The following CDK11A variants were observed in gnomAD, a reference collection of about 807,000 sequenced individuals.
CDK11A encodes the protein cyclin dependent kinase 11A, also known as cyclin-dependent kinase 11A.
A neutral mutation model predicts 83.6 loss-of-function variants in CDK11A; 55 were observed. That is an observed-to-expected ratio of 0.66 (90% CI 0.53 to 0.82). The LOEUF is 0.82. Ranked by LOEUF, CDK11A falls within the 40% of genes least tolerant of loss-of-function variation. CDK11A has a pLI of 0.00. For synonymous variants in CDK11A, 247 were observed against 302.7 expected (o/e 0.82, Z 1.91); for missense variants, 564 against 810.1 (o/e 0.70, Z 3.69).
intron 5 of CDK11A, among the ~76,000 whole-genome samples, chr1:1,715,761 G>C (rs368646708): frequency 0.029 from 3,820 of 133,712 alleles, 2 homozygotes; most frequent in East Asian, 0.087. Context: ...GGGCCTGCTC[G>C]CACCTGGCCT....
At position 1,705,038 on chromosome 1, in the gene CDK11A, T is replaced by C; in HGVS notation, c.1337-13A>G. 1 of 1,589,688 alleles carries C rather than the reference T, an allele frequency of 6.3e-7. No homozygotes were observed. The highest frequency in any genetic ancestry group is 1.1e-5 in the South Asian group (1 of 88,424). ...GCCACAATTTCATCTGTGAAGAAAA[T>C]ACAGACGGCACTGAGAGGCATTCTC... On this transcript the variant is annotated splice_polypyrimidine_tract_variant and intron_variant, in intron 12 of 19. Coordinates refer to ENST00000404249, the MANE Select transcript of CDK11A (RefSeq NM_024011.4).
rs1325274688 is a variant in CDK11A at position 1,707,301 on chromosome 1, G to C, written c.1245+108C>G. On this transcript the variant is annotated intron_variant, in intron 11 of 19. Coordinates refer to ENST00000404249, the MANE Select transcript of CDK11A (RefSeq NM_024011.4). ...CGTCACTGCCCCAGTGGGCCCAGCAGCCCTGTGAGGCGACAGACGCCAACA... is the reference window on the plus strand; with the variant it reads ...CGTCACTGCCCCAGTGGGCCCAGCACCCCTGTGAGGCGACAGACGCCAACA... 5.2e-5 allele frequency: 56 copies of C among 1,073,976 alleles called. 2 individuals carry two copies. Among genetic ancestry groups the C allele is most frequent in the Middle Eastern group, 3.2e-4 (1 of 3,162 alleles). 66.5% of individuals were successfully genotyped at this position (1,073,976 alleles called of 1,614,324 possible). A position where few individuals can be genotyped will look rare whatever the true frequency, so the allele number is the denominator to read the frequency against.
rs374344030 is a variant in CDK11A, at chr1:1,704,515, T to C, written c.1564+35A>G. ...GGGGTGACCAGGACACTGCCCCCAC[T>C]TGTACGCAGACAGGACCCCGGGGCG... On this transcript the variant is annotated intron_variant, in intron 14 of 19. Coordinates refer to ENST00000404249, the MANE Select transcript of CDK11A (RefSeq NM_024011.4). The C allele has an allele frequency of 3.5e-4, 563 of 1,594,164 alleles. 18 individuals carry two copies. The African/African-American group carries it at 6.9e-3, about 20-fold the overall frequency.
chr1:1,721,676 C>T lies in CDK11A; in HGVS notation c.147G>A (p.Glu49=), dbSNP rs769222111. Residue 49 remains glutamate, a synonymous_variant, in exon 3 of 20, where the codon GAG becomes GAA. Transcript: ENST00000404249. ...TGCAGTGATCTCTCAGCTCCCCCTC[C>T]TCAAGGGAATCCCGCTTGGAATCCC... is the stretch of plus-strand genomic sequence containing the variant. ...DDRDSKRDSL[E]EGELRDHCME... 15 of 1,596,932 alleles carry T rather than the reference C, an allele frequency of 9.4e-6. 2 individuals are homozygous for T. In the African/African-American group the frequency reaches 1.9e-4, roughly 20 times the overall value.
intron 3 of CDK11A, among the ~76,000 whole-genome samples, chr1:1,720,665 G>A (rs1644871632): frequency 6.7e-6 from 1 of 148,986 alleles, no homozygotes; most frequent in Non-Finnish European, 1.5e-5. Context: ...CCAAAGTGCT[G>A]GGATTACAGG....
rs763905836 is a variant in CDK11A at position 1,721,653 on chromosome 1, C to G, written c.170G>C (p.Cys57Ser). The change falls in exon 3 of 20, where the codon TGC (cysteine) becomes TCC (serine). Residue 57 changes from cysteine to serine, a missense_variant. By Grantham distance (112) the Cys-to-Ser change is moderately radical (BLOSUM62 -1). Coordinates refer to ENST00000404249, the MANE Select transcript of CDK11A (RefSeq NM_024011.4). Reference protein sequence around the residue: ...SLEEGELRDHCMEITIRNSPY... With the variant: ...SLEEGELRDHSMEITIRNSPY... ...GGAGTTCCTTATTGTGATCTCCATG[C>G]AGTGATCTCTCAGCTCCCCCTCCTC... The G allele has an allele frequency of 1.9e-6, 3 of 1,603,584 alleles. No homozygotes were observed. In the East Asian group the frequency reaches 6.7e-5, roughly 36 times the overall value.
chr1:1,703,043 C>T, intron 19 of CDK11A, 37 bp downstream of exon 19: 1 of 407,770 alleles, frequency 2.5e-6, no homozygotes, highest in South Asian at 2.2e-5. Context: ...CAAGCCAGCC[C>T]CACCTGTGGG....
intron 5 of CDK11A, among the ~76,000 whole-genome samples, chr1:1,712,986 CTTT>C (rs374746062): frequency 2.8e-5 from 1 of 35,254 alleles, no homozygotes; most frequent in Non-Finnish European, 1.5e-4. Flanking sequence ...TTGTTTCTAG[CTTT>C]TTTTTTTTTT....
At chr1:1,715,506 A>T (rs1644602854) in intron 5 of CDK11A, among the ~76,000 whole-genome samples, 2 of 148,888 alleles carry the variant, frequency 1.3e-5, no homozygotes, top group Non-Finnish European at 3.0e-5. Context: ...TTCACACACT[A>T]ACAGGAACTA....
intron 4 of CDK11A, among the ~76,000 whole-genome samples, chr1:1,717,047 C>T (rs1459713120): frequency 7.6e-6 from 1 of 131,972 alleles, no homozygotes; most frequent in Non-Finnish European, 1.7e-5. Context: ...TGGGCCACTG[C>T]ACCCAGTCGA....
Position 1,703,627 on chromosome 1 carries a change from G to T in CDK11A, c.1912-3C>A. 2 of 1,594,260 alleles carry T rather than the reference G, an allele frequency of 1.3e-6. No individual in the cohort carries two copies. Among genetic ancestry groups the T allele is most frequent in the Admixed American group, 3.5e-5 (2 of 57,626 alleles). ...TTCTCACTGGGGGTCCCCAGCTCCTGAAAGACAGAGGTGCTTCAACAGCCA... is the reference window on the plus strand; with the variant it reads ...TTCTCACTGGGGGTCCCCAGCTCCTTAAAGACAGAGGTGCTTCAACAGCCA... On this transcript the variant is annotated splice_polypyrimidine_tract_variant and splice_region_variant and intron_variant, in intron 17 of 19. Coordinates refer to ENST00000404249, the MANE Select transcript of CDK11A (RefSeq NM_024011.4).
At chr1:1,717,603 ACGCTTTC>A (rs1371351290) in intron 4 of CDK11A, among the ~76,000 whole-genome samples, 58 of 149,890 alleles carry the variant, frequency 3.9e-4, no homozygotes, top group South Asian at 8.5e-4. Context: ...TGACACACGC[ACGCTTTC>A]AGCTAGAGTT....
chr1:1,712,203 C>T, intron 6 of CDK11A, 61 bp downstream of exon 6: 1 of 1,358,170 alleles, frequency 7.4e-7, no homozygotes, highest in South Asian at 1.4e-5. Context: ...AGCAAGTGCC[C>T]AGCACCAGGG....
Position 1,722,706 on chromosome 1 carries a change from A to G in CDK11A, c.111+2T>C. 1 of 1,556,002 alleles carries G rather than the reference A, an allele frequency of 6.4e-7. No homozygotes were observed. The highest frequency in any genetic ancestry group is 8.7e-7 in the Non-Finnish European group (1 of 1,150,142). ...CCACTTACTTAAAAAAATATGGCTTACATTTTTTAAGCGTTTTATCTCTGC... is the reference window on the plus strand; with the variant it reads ...CCACTTACTTAAAAAAATATGGCTTGCATTTTTTAAGCGTTTTATCTCTGC... On this transcript the variant is annotated splice_donor_variant, in intron 2 of 19. Coordinates refer to ENST00000404249, the MANE Select transcript of CDK11A (RefSeq NM_024011.4). LOFTEE classifies it high-confidence loss of function.
intron 17 of CDK11A, 90 bp from the exon 18 acceptor site, chr1:1,703,714 G>A: frequency 1.3e-6 from 2 of 1,535,868 alleles, no homozygotes; most frequent in East Asian, 2.4e-5. Context: ...CACCAGGAGG[G>A]CTCTCAGTGG....
intron 3 of CDK11A, among the ~76,000 whole-genome samples, chr1:1,719,910 C>T (rs1378876910): frequency 1.3e-5 from 2 of 150,400 alleles, no homozygotes; most frequent in East Asian, 2.0e-4. Flanking sequence ...CCACCGCGCC[C>T]GGCCTAGGAG....
Position 1,704,945 on chromosome 1 carries a change from T to G in CDK11A, c.1417A>C (p.Thr473Pro). The G allele has an allele frequency of 6.3e-7, 1 of 1,597,556 alleles. No individual in the cohort carries two copies. Among genetic ancestry groups the G allele is most frequent in the Non-Finnish European group, 8.5e-7 (1 of 1,173,020 alleles). ...FPITSLREINTILKAQHPNIV... is the reference protein window; with the variant it reads ...FPITSLREINPILKAQHPNIV... ...TTGGGATGCTGGGCCTTGAGGATGG[T>G]GTTGATCTCCCTCAGGGACGTGATC... The change falls in exon 13 of 20, where the codon ACC (threonine) becomes CCC (proline). Residue 473 changes from threonine (T) to proline (P), a missense_variant. This residue lies in a region of CDK11A where 361 missense variants were observed against 402.7 expected (regional missense o/e 0.90). Coordinates refer to ENST00000404249, the MANE Select transcript of CDK11A (RefSeq NM_024011.4).
In CDK11A at chr1:1,704,748, C is replaced by T. The variant is rs527409517; in HGVS notation, c.1459-93G>A. 5.1e-5 allele frequency: 81 copies of T among 1,598,394 alleles called. 3 individuals carry two copies. Among genetic ancestry groups the T allele is most frequent in the African/African-American group, 3.2e-4 (24 of 74,432 alleles). ...GATGCTGAGGGACAGTAAGGACCTC[C>T]GGTGCCACCCGGGAGGCAAATACTT... On this transcript the variant is annotated intron_variant, in intron 13 of 19. Transcript: ENST00000404249.
Position 1,706,564 on chromosome 1 carries a change from C to T in CDK11A, c.1246-832G>A, listed in dbSNP as rs1054051402. Reference sequence around the variant, plus strand: ...ACCCAGTCTCCAAAAAAAAGGCCATCCGGAGAGTCTCTCTGTCAAAGTGGA... The same window carrying T: ...ACCCAGTCTCCAAAAAAAAGGCCATTCGGAGAGTCTCTCTGTCAAAGTGGA... On this transcript the variant is annotated intron_variant, in intron 11 of 19. Coordinates refer to ENST00000404249, the MANE Select transcript of CDK11A (RefSeq NM_024011.4). Among the ~76,000 whole-genome samples, 13 of 151,322 alleles carry T rather than the reference C, an allele frequency of 8.6e-5. 2 individuals are homozygous for T. The highest frequency in any genetic ancestry group is 3.2e-4 in the African/African-American group (13 of 41,262).
Sources: gnomAD v4.1 joint callset for allele counts (sites outside exome capture counted in the v4.1 genomes callset) on GRCh38, gnomAD v4.1.1 for gene constraint, gnomAD v4.1.1 regional missense constraint, MANE v1.5 for transcripts, NCBI Gene and HGNC (gene_info 2026-07-23, HGNC 2026-07-21) for gene names.